Variants in PEMT observed in about 807,000 individuals in gnomAD.
The protein encoded by PEMT is phospholipid methyltransferase.
Under a neutral mutation model 27.4 loss-of-function variants are expected in PEMT, and 23 were observed. The observed-to-expected ratio is 0.84, with a 90% CI of 0.60 to 1.19. The LOEUF (loss-of-function observed/expected upper bound fraction) is 1.19, where lower values mean the gene tolerates loss of function less well. Ranked by LOEUF, PEMT falls within the 50% of genes most tolerant of loss-of-function variation. The probability of loss-of-function intolerance (pLI) is 0.00; values close to 1 mark genes in which losing one functional copy is unlikely to be tolerated. For missense variants in PEMT, 307 were observed against 310.1 expected (o/e 0.99, Z 0.07); for synonymous variants, 137 against 139.1 (o/e 0.98, Z 0.11).
chr17:17,577,005 C>A lies in PEMT; in HGVS notation c.119G>T (p.Arg40Leu), dbSNP rs767735937. Residue 40 changes from arginine to leucine, a missense_variant, in exon 2 of 7, where the codon CGG (arginine) becomes CTG (leucine). Transcript: ENST00000255389. ...CAGGGGGTCCACGTAGCCCAGCAGC[C>A]GGGTCATAACGCAGAAGTCTGCCTG... ...FRQADFCVMT[R>L]LLGYVDPLDP... 1.9e-6 allele frequency: 3 copies of A among 1,613,868 alleles called. No individual in the cohort carries two copies. Among genetic ancestry groups the A allele is most frequent in the Non-Finnish European group, 2.5e-6 (3 of 1,179,934 alleles).
intron 5 of PEMT, chr17:17,507,055 C>A (rs70965426): frequency 7.8e-6 from 8 of 1,020,688 alleles, no homozygotes; most frequent in Admixed American, 6.1e-5. Context: ...CCCCGCCACA[C>A]CAGTAAGCAG....
At chr17:17,522,196 C>T (rs951128516) in intron 3 of PEMT, 84 bp downstream of exon 3, 2 of 965,472 alleles carry the variant, frequency 2.1e-6, no homozygotes, top group African/African-American at 1.6e-5. Flanking sequence ...AAGGCTCCCG[C>T]GTGGTGAGGG....
chr17:17,550,975 T>C (rs1032311111), intron 2 of PEMT, among the ~76,000 whole-genome samples: 3 of 152,262 alleles, frequency 2.0e-5, no homozygotes. Flanking sequence ...GCTGCAGATC[T>C]TGCATGTACC....
At chr17:17,537,424 G>A (rs1459825662) in intron 2 of PEMT, among the ~76,000 whole-genome samples, 1 of 152,226 alleles carries the variant, frequency 6.6e-6, no homozygotes, top group East Asian at 1.9e-4. Flanking sequence ...CGACAGCAGA[G>A]GCCAGCTCCA....
intron 3 of PEMT, among the ~76,000 whole-genome samples, chr17:17,521,611 CT>C (rs1907265999): frequency 6.6e-6 from 1 of 152,104 alleles, no homozygotes; most frequent in Admixed American, 6.5e-5. Flanking sequence ...TTGCCCCAGG[CT>C]GGAGTGCACT....
intron 1 of PEMT, among the ~76,000 whole-genome samples, chr17:17,585,168 T>G (rs1039305397): frequency 6.6e-5 from 10 of 152,144 alleles, no homozygotes; most frequent in Non-Finnish European, 1.2e-4. Flanking sequence ...TGAAACCCCG[T>G]CTCCACTAAA....
intron 2 of PEMT, among the ~76,000 whole-genome samples, chr17:17,572,707 G>A (rs7209113): frequency 0.62 from 95,018 of 152,178 alleles, 30,555 homozygotes; most frequent in African/African-American, 0.78. Flanking sequence ...GGTGCCCAGC[G>A]CACAGTAGAT....
intron 2 of PEMT, among the ~76,000 whole-genome samples, chr17:17,542,562 A>T (rs1316629116): frequency 6.6e-6 from 1 of 152,150 alleles, no homozygotes; most frequent in Non-Finnish European, 1.5e-5. Context: ...ACACAAACAG[A>T]TTGAGGGCAG....
intron 5 of PEMT, chr17:17,507,748 C>T (rs189898331): frequency 1.3e-5 from 2 of 156,496 alleles, no homozygotes; most frequent in Non-Finnish European, 2.8e-5. Context: ...TCTCCGGGGC[C>T]CTGGCAGGTG....
intron 1 of PEMT, among the ~76,000 whole-genome samples, chr17:17,588,812 C>A (rs1356903392): frequency 6.6e-6 from 1 of 152,214 alleles, no homozygotes; most frequent in Non-Finnish European, 1.5e-5. Flanking sequence ...TCTGCCACCC[C>A]ACTGCCTTCA....
chr17:17,547,438 G>A (rs958798076), intron 2 of PEMT, among the ~76,000 whole-genome samples: 10 of 152,384 alleles, frequency 6.6e-5, no homozygotes, highest in South Asian at 6.2e-4. Flanking sequence ...CCAAAGAACA[G>A]GGTGCTGGGA....
chr17:17,517,596 C>A (rs1346522369), intron 3 of PEMT, among the ~76,000 whole-genome samples: 1 of 152,258 alleles, frequency 6.6e-6, no homozygotes, highest in Non-Finnish European at 1.5e-5. Context: ...CTGTGCCAGC[C>A]TCCTCCAGGG....
chr17:17,507,791 G>T (rs1423932983), intron 5 of PEMT: 1 of 154,690 alleles, frequency 6.5e-6, no homozygotes, highest in African/African-American at 2.4e-5. Context: ...GCCTGTGGGG[G>T]TCCCCGCTGT....
At chr17:17,527,853 G>A (rs895756831) in intron 2 of PEMT, among the ~76,000 whole-genome samples, 2 of 152,158 alleles carry the variant, frequency 1.3e-5, no homozygotes, top group African/African-American at 2.4e-5. Flanking sequence ...TCCCCTCTGC[G>A]GCCAGCCCTT....
rs566165584 is a variant in PEMT at position 17,561,578 on chromosome 17, A to T, written c.204+15342T>A. Reference sequence around the variant, plus strand: ...GCTGAGCTGGCTCCAGGCACCACCCACTCCAGGCACCATCCCGGCCCTTGC... The same window carrying T: ...GCTGAGCTGGCTCCAGGCACCACCCTCTCCAGGCACCATCCCGGCCCTTGC... On this transcript the variant is annotated intron_variant, in intron 2 of 6. Transcript: ENST00000255389. The surrounding 1 kb of genome is among the most constrained non-coding windows in gnomAD (Gnocchi z 4.5). Among the ~76,000 whole-genome samples, 38 of 152,034 alleles carry T rather than the reference A, an allele frequency of 2.5e-4. No homozygotes were observed. Among genetic ancestry groups the T allele is most frequent in the Non-Finnish European group, 4.9e-4 (33 of 67,954 alleles).
In PEMT at chr17:17,523,171, G is replaced by A. The variant is rs1399457474; in HGVS notation, c.205-776C>T. The stretch of plus-strand genomic sequence containing the variant: ...GAGGAGGGGAGGGGGCAAGGAGGAT[G>A]CAAAAAGACAAGCATGCAGCCTGGG... On this transcript the variant is annotated intron_variant, in intron 2 of 6. Transcript: ENST00000255389. This position sits in a 1 kb window ranked among gnomAD's most constrained non-coding sequence, Gnocchi z 4.8. Among the ~76,000 whole-genome samples, 1 of 152,128 alleles carries A rather than the reference G, an allele frequency of 6.6e-6. No individual in the cohort carries two copies. The highest frequency in any genetic ancestry group is 1.5e-5 in the Non-Finnish European group (1 of 68,026).
At chr17:17,577,545 TC>T in intron 1 of PEMT, 2 of 989,624 alleles carry the variant, frequency 2.0e-6, no homozygotes, top group Non-Finnish European at 2.4e-6. Context: ...TGTGCCCACA[TC>T]CCGGCCACGC....
chr17:17,570,304 C>A (rs1217227213), intron 2 of PEMT, among the ~76,000 whole-genome samples: 1 of 152,214 alleles, frequency 6.6e-6, no homozygotes, highest in Non-Finnish European at 1.5e-5. Context: ...CAGTGAGAGA[C>A]AAACAGTGAC....
chr17:17,558,132 A>G (rs1314273283), intron 2 of PEMT, among the ~76,000 whole-genome samples: 2 of 152,166 alleles, frequency 1.3e-5, no homozygotes, highest in Non-Finnish European at 2.9e-5. Context: ...GCTGGAGCCC[A>G]GGAGTTTGAG....
Sources: gnomAD v4.1 joint callset for allele counts (sites outside exome capture counted in the v4.1 genomes callset) on GRCh38, gnomAD v4.1.1 for gene constraint, Gnocchi (gnomAD v3.1) non-coding constraint, MANE v1.5 for transcripts, NCBI Gene and HGNC (gene_info 2026-07-23, HGNC 2026-07-21) for gene names.